Variants in TNFRSF17 observed in about 807,000 individuals in gnomAD.
TNFRSF17 encodes the protein TNF receptor superfamily member 17, also known as tumor necrosis factor receptor superfamily member 17.
TNFRSF17 carries 13 observed loss-of-function variants against 9.9 expected under a neutral mutation model. That is an observed-to-expected ratio of 1.31 (90% CI 0.85 to 2.08). TNFRSF17 has a LOEUF of 2.08. TNFRSF17 is among the 30% of genes most tolerant of loss of function. The pLI is 0.00. For synonymous variants in TNFRSF17, 99 were observed against 83.7 expected (o/e 1.18, Z -1.00); for missense variants, 305 against 225.8 (o/e 1.35, Z -2.25).
At chr16:11,965,585 G>A (rs2055187109) in intron 1 of TNFRSF17, 131 bp downstream of exon 1, 2 of 954,280 alleles carry the variant, frequency 2.1e-6, no homozygotes, top group Non-Finnish European at 3.1e-6. Flanking sequence ...AGGAAGCAAG[G>A]CAGTGATTTT....
At position 11,965,245 on chromosome 16, in the gene TNFRSF17, T is replaced by G; in HGVS notation, c.-80T>G. The G allele has an allele frequency of 6.4e-7, 1 of 1,569,554 alleles. No homozygotes were observed. Among genetic ancestry groups the G allele is most frequent in the Non-Finnish European group, 8.7e-7 (1 of 1,151,196 alleles). On this transcript the variant is annotated 5_prime_UTR_variant, in exon 1 of 3. Transcript: ENST00000053243. ...ACATTCTAGCTGCTCTTGCTGCATT[T>G]GCTCTGGAATTCTTGTAGAGATATT...
intron 2 of TNFRSF17, chr16:11,967,183 G>T: frequency 5.1e-6 from 1 of 194,640 alleles, no homozygotes; most frequent in South Asian, 7.9e-5. Flanking sequence ...GTACTTTTTG[G>T]TAGAGACAGG....
chr16:11,967,604 G>A lies in TNFRSF17; in HGVS notation c.312G>A (p.Leu104=). The change falls in exon 3 of 3, where the codon CTG becomes CTA. Residue 104 remains leucine, a synonymous_variant. Coordinates refer to ENST00000053243, the MANE Select transcript of TNFRSF17 (RefSeq NM_001192.3). ...TCCTGGGCATGGCTAACATTGACCT[G>A]GAAAAGAGCAGGACTGGTGATGAAA... ...SGLLGMANID[L]EKSRTGDEII... The A allele has an allele frequency of 6.2e-7, 1 of 1,613,970 alleles. No individual in the cohort carries two copies. The highest frequency in any genetic ancestry group is 8.5e-7 in the Non-Finnish European group (1 of 1,179,860).
At chr16:11,966,362 T>G (rs377594247) in intron 2 of TNFRSF17, 21 bp downstream of exon 2, 4 of 1,600,784 alleles carry the variant, frequency 2.5e-6, no homozygotes, top group East Asian at 2.2e-5. Flanking sequence ...TGGTGAATCT[T>G]TGAAATCTAT....
Position 11,967,850 on chromosome 16 carries a change from A to C in TNFRSF17, c.*3A>C. On this transcript the variant is annotated 3_prime_UTR_variant, in exon 3 of 3. Coordinates refer to ENST00000053243, the MANE Select transcript of TNFRSF17 (RefSeq NM_001192.3). Reference sequence around the variant, plus strand: ...AGAAATCAATTTCTGCTAGGTAATTAACCATTTCGACTCGAGCAGTGCCAC... The same window carrying C: ...AGAAATCAATTTCTGCTAGGTAATTCACCATTTCGACTCGAGCAGTGCCAC... 6.2e-7 allele frequency: 1 copy of C among 1,612,604 alleles called. No homozygotes were observed. The highest frequency in any genetic ancestry group is 8.5e-7 in the Non-Finnish European group (1 of 1,178,868).
In TNFRSF17 at chr16:11,966,195, G is replaced by T. The variant is rs1378719806; in HGVS notation, c.131G>T (p.Ser44Ile). 1.9e-6 allele frequency: 3 copies of T among 1,611,574 alleles called. No individual in the cohort carries two copies. Among genetic ancestry groups the T allele is most frequent in the Admixed American group, 3.3e-5 (2 of 59,800 alleles). The change falls in exon 2 of 3, where the codon AGT becomes ATT. Residue 44 changes from serine to isoleucine, a missense_variant and splice_region_variant. By Grantham distance (142) the Ser-to-Ile change is moderately radical. Transcript: ENST00000053243. ...TCTGTCTGATGTTCTTTTCATAAAG[G>T]TGTGACCAATTCAGTGAAAGGAACG... ...PLTCQRYCNA[S>I]VTNSVKGTNA...
chr16:11,966,493 G>T (rs942887062), intron 2 of TNFRSF17, 152 bp downstream of exon 2: 3 of 785,724 alleles, frequency 3.8e-6, no homozygotes, highest in African/African-American at 1.8e-5. Context: ...ACTTGGTAGA[G>T]GTGAGCCATC....
chr16:11,967,914 C>A lies in TNFRSF17; in HGVS notation c.*67C>A, dbSNP rs1596508204. 8 of 1,540,874 alleles carry A rather than the reference C, an allele frequency of 5.2e-6. No individual in the cohort carries two copies. The highest frequency in any genetic ancestry group is 7.0e-6 in the Non-Finnish European group (8 of 1,138,526). ...TGTCAGAATAGATGATGTGTCAGAT[C>A]TCTTTAGGATGACTGTATTTTTCAG... On this transcript the variant is annotated 3_prime_UTR_variant, in exon 3 of 3. Transcript: ENST00000053243.
chr16:11,968,003 G>A lies in TNFRSF17; in HGVS notation c.*156G>A, dbSNP rs1381814011. ...CTTTATGTTAGATATATTTCTCTAG[G>A]TTACTGTTGGGAGCTTAATGGTAGA... On this transcript the variant is annotated 3_prime_UTR_variant, in exon 3 of 3. Transcript: ENST00000053243. The A allele has an allele frequency of 1.1e-5, 9 of 831,794 alleles. No individual in the cohort carries two copies. Among genetic ancestry groups the A allele is most frequent in the Non-Finnish European group, 1.1e-5 (6 of 556,298 alleles). The allele number at this position is 831,794 out of a possible 1,614,324, so 51.5% of individuals were successfully genotyped here.
At chr16:11,965,564 C>A (rs2055187002) in intron 1 of TNFRSF17, 110 bp downstream of exon 1, 2 of 1,163,346 alleles carry the variant, frequency 1.7e-6, no homozygotes, top group South Asian at 3.5e-5. Flanking sequence ...TTTCTTGAAT[C>A]AAAAAGAGAA....
intron 1 of TNFRSF17, among the ~76,000 whole-genome samples, chr16:11,965,845 C>T (rs1007828426): frequency 6.6e-6 from 1 of 152,110 alleles, no homozygotes; most frequent in African/African-American, 2.4e-5. Context: ...GTGGATGGCT[C>T]ACACCTGTAA....
Position 11,965,305 on chromosome 16 carries a change from CTTG to C in TNFRSF17, c.-17_-15del. The C allele has an allele frequency of 3.7e-6, 6 of 1,613,794 alleles. No individual in the cohort carries two copies. Among genetic ancestry groups the C allele is most frequent in the Non-Finnish European group, 4.2e-6 (5 of 1,179,804 alleles). The stretch of plus-strand genomic sequence containing the variant: ...TCCAGGCTGTTCTTTCTGTAGCTCC[CTTG>C]TTTTCTTTTTGTGATCATGTTGCAG... On this transcript the variant is annotated 5_prime_UTR_variant, in exon 1 of 3. Coordinates refer to ENST00000053243, the MANE Select transcript of TNFRSF17 (RefSeq NM_001192.3).
At position 11,967,784 on chromosome 16, in the gene TNFRSF17, T is replaced by C. The variant is rs1293859731; in HGVS notation, c.492T>C (p.Tyr164=). ...TILVTTKTND[Y]CKSLPAALSA... Reference sequence around the variant, plus strand: ...TTGTCACCACGAAAACGAATGACTATTGCAAGAGCCTGCCAGCTGCTTTGA... The same window carrying C: ...TTGTCACCACGAAAACGAATGACTACTGCAAGAGCCTGCCAGCTGCTTTGA... Residue 164 remains tyrosine, a synonymous_variant, in exon 3 of 3, where the codon TAT becomes TAC. Transcript: ENST00000053243. The C allele has an allele frequency of 3.7e-6, 6 of 1,614,082 alleles. No individual in the cohort carries two copies. The highest frequency in any genetic ancestry group is 1.6e-4 in the Middle Eastern group (1 of 6,084).
At position 11,966,342 on chromosome 16, in the gene TNFRSF17, G is replaced by T. The variant is rs561569626; in HGVS notation, c.277+1G>T. 6.2e-6 allele frequency: 10 copies of T among 1,609,126 alleles called. No homozygotes were observed. The highest frequency in any genetic ancestry group is 3.3e-5 in the South Asian group (3 of 90,088). ...TTAAAGGACGAGTTTAAAAACACAG[G>T]TTGGTTTGATGGTGAATCTTTGAAA... On this transcript the variant is annotated splice_donor_variant, in intron 2 of 2. Transcript: ENST00000053243. LOFTEE classifies it high-confidence loss of function.
At chr16:11,966,556 A>G (rs1392019574) in intron 2 of TNFRSF17, among the ~76,000 whole-genome samples, 1 of 152,214 alleles carries the variant, frequency 6.6e-6, no homozygotes, top group Non-Finnish European at 1.5e-5. Flanking sequence ...AGTCTTCTCC[A>G]GGATTCTTCC....
chr16:11,967,210 C>T (rs2055201178), intron 2 of TNFRSF17: 2 of 209,620 alleles, frequency 9.5e-6, no homozygotes, highest in South Asian at 1.7e-4. Flanking sequence ...TCATGTTGGC[C>T]AGGATGGTCT....
intron 1 of TNFRSF17, 70 bp from the exon 2 acceptor site, chr16:11,966,125 A>AATAC: frequency 7.0e-7 from 1 of 1,433,342 alleles, no homozygotes; most frequent in Admixed American, 2.2e-5. Context: ...TAAATAAATA[A>AATAC]ATAATAACAA....
chr16:11,965,233 T>C lies in TNFRSF17; in HGVS notation c.-92T>C. 3 of 1,538,214 alleles carry C rather than the reference T, an allele frequency of 2.0e-6. No individual in the cohort carries two copies. The highest frequency in any genetic ancestry group is 1.8e-6 in the Non-Finnish European group (2 of 1,126,760). On this transcript the variant is annotated 5_prime_UTR_variant, in exon 1 of 3. Transcript: ENST00000053243. The stretch of plus-strand genomic sequence containing the variant: ...TCATTGTTCTCAACATTCTAGCTGC[T>C]CTTGCTGCATTTGCTCTGGAATTCT...
chr16:11,967,111 C>A, intron 2 of TNFRSF17: 1 of 206,096 alleles, frequency 4.9e-6, no homozygotes. Flanking sequence ...AACAATTCTC[C>A]CATCTCAGCC....
Sources: allele counts gnomAD v4.1 joint callset (sites outside exome capture counted in the v4.1 genomes callset), GRCh38; gene constraint gnomAD v4.1.1; transcripts MANE v1.5; gene names NCBI Gene and HGNC (gene_info 2026-07-23, HGNC 2026-07-21).